COG3: variants seen among roughly 807,000 people sequenced by gnomAD.
COG3 encodes the protein conserved oligomeric Golgi complex subunit 3.
COG3 carries 32 observed loss-of-function variants against 114.1 expected under a neutral mutation model. The ratio of observed to expected loss-of-function variants is 0.28; its 90% confidence interval spans 0.21 to 0.38. The LOEUF (loss-of-function observed/expected upper bound fraction) is 0.38. Among genes scored for constraint, COG3 ranks in the 10% least tolerant of loss-of-function variants. The probability of loss-of-function intolerance (pLI) is 1.00; values close to 1 mark genes in which losing one functional copy is unlikely to be tolerated. For missense variants in COG3, 813 were observed against 973.2 expected (o/e 0.84, Z 2.19); for synonymous variants, 352 against 365.7 (o/e 0.96, Z 0.43).
intron 5 of COG3, among the ~76,000 whole-genome samples, chr13:45,481,544 C>T (rs541435901): frequency 3.3e-5 from 5 of 152,078 alleles, no homozygotes; most frequent in African/African-American, 1.2e-4. Context: ...TTATTGGCTA[C>T]CTCTTATAGT....
chr13:45,480,257 A>C lies in COG3; in HGVS notation c.516A>C (p.Leu172=). The change falls in exon 4 of 23, where the codon CTA becomes CTC. Residue 172 remains leucine (L), a synonymous_variant. Transcript: ENST00000349995. Reference sequence around the variant, plus strand: ...TTGTGTCCAATAAGACAGGAACCCTACATGAAGCCTGTGAACAGCTCCTAA... The same window carrying C: ...TTGTGTCCAATAAGACAGGAACCCTCCATGAAGCCTGTGAACAGCTCCTAA... The part of the protein sequence containing the change: ...YLFVSNKTGT[L]HEACEQLLKE... 6.2e-7 allele frequency: 1 copy of C among 1,613,540 alleles called. No homozygotes were observed. Among genetic ancestry groups the C allele is most frequent in the South Asian group, 1.1e-5 (1 of 91,010 alleles).
chr13:45,468,260 G>A (rs1192771137), intron 1 of COG3, among the ~76,000 whole-genome samples: 1 of 152,166 alleles, frequency 6.6e-6, no homozygotes. Context: ...ATAAAATGGG[G>A]ACTTAACTCA....
intron 13 of COG3, among the ~76,000 whole-genome samples, chr13:45,501,254 T>G (rs1249586863): frequency 2.0e-5 from 3 of 152,222 alleles, no homozygotes; most frequent in Non-Finnish European, 4.4e-5. Context: ...TGTAAATACT[T>G]GGAACTTCTC....
At position 45,476,206 on chromosome 13, in the gene COG3, A is replaced by G. The variant is rs544051013; in HGVS notation, c.180A>G (p.Pro60=). 42 of 1,613,572 alleles carry G rather than the reference A, an allele frequency of 2.6e-5. No individual in the cohort carries two copies. The African/African-American group carries it at 3.3e-4, about 13-fold the overall frequency. Reference sequence around the variant, plus strand: ...TGTGACTCTCTTTTTTCAAGCTTCCAATTGAAGACTTGTGCAGTTTAACAT... The same window carrying G: ...TGTGACTCTCTTTTTTCAAGCTTCCGATTGAAGACTTGTGCAGTTTAACAT... ...AENLPVPAEL[P]IEDLCSLTSQ... The change falls in exon 2 of 23, where the codon CCA becomes CCG. Residue 60 remains proline, a synonymous_variant. Coordinates refer to ENST00000349995, the MANE Select transcript of COG3 (RefSeq NM_031431.4).
chr13:45,501,690 T>C (rs1355402556), intron 13 of COG3, among the ~76,000 whole-genome samples: 2 of 152,220 alleles, frequency 1.3e-5, no homozygotes, highest in Non-Finnish European at 2.9e-5. Flanking sequence ...GGGGTATTGT[T>C]GCTTTTAAGC....
chr13:45,469,112 G>A lies in COG3; in HGVS notation c.174+3902G>A, dbSNP rs368070940. ...AGAAGATGGTTTTGTATTAGAACAAGGAAACAGGGAGCCTCCTTTTGCCTC... is the reference window on the plus strand; with the variant it reads ...AGAAGATGGTTTTGTATTAGAACAAAGAAACAGGGAGCCTCCTTTTGCCTC... On this transcript the variant is annotated intron_variant, in intron 1 of 22. Coordinates refer to ENST00000349995, the MANE Select transcript of COG3 (RefSeq NM_031431.4). Among the ~76,000 whole-genome samples, 7 of 152,288 alleles carry A rather than the reference G, an allele frequency of 4.6e-5. No individual in the cohort carries two copies. The East Asian group carries it at 9.6e-4, about 21-fold the overall frequency.
intron 5 of COG3, among the ~76,000 whole-genome samples, 156 bp from the exon 6 acceptor site, chr13:45,482,225 T>C (rs1202428306): frequency 6.6e-6 from 1 of 152,188 alleles, no homozygotes; most frequent in Non-Finnish European, 1.5e-5. Context: ...TTATTGTACA[T>C]GTGGGCTACA....
At chr13:45,520,285 CA>C (rs35891697) in intron 19 of COG3, among the ~76,000 whole-genome samples, 21,299 of 143,280 alleles carry the variant, frequency 0.15, 2,446 homozygotes, top group African/African-American at 0.33. Context: ...GAGACTGTCT[CA>C]AAAAAAAAAT....
intron 5 of COG3, among the ~76,000 whole-genome samples, chr13:45,481,569 C>T (rs973297496): frequency 2.0e-5 from 3 of 152,064 alleles, no homozygotes; most frequent in African/African-American, 4.8e-5. Context: ...TATTTGTAAG[C>T]TTTGAAGAAG....
Position 45,525,257 on chromosome 13 carries a change from A to AT in COG3, c.2230+219dup, listed in dbSNP as rs947781659. Among the ~76,000 whole-genome samples the AT allele has an allele frequency of 1.1e-3, 163 of 147,670 alleles. 1 individual carries two copies. The South Asian group carries it at 0.023, about 21-fold the overall frequency. On this transcript the variant is annotated intron_variant, in intron 20 of 22. Transcript: ENST00000349995. ...CAGCAAGCATTCCAAGGAAGGAAGA[A>AT]TTTTTTTTTTTTTAAATCACCCAGT...
chr13:45,468,280 C>G (rs374223876), intron 1 of COG3, among the ~76,000 whole-genome samples: 60 of 152,248 alleles, frequency 3.9e-4, no homozygotes, highest in African/African-American at 1.4e-3. Flanking sequence ...ATGATGAGTA[C>G]TTATCTCATA....
chr13:45,487,487 A>G (rs1886741128), intron 8 of COG3, among the ~76,000 whole-genome samples: 1 of 152,240 alleles, frequency 6.6e-6, no homozygotes. Context: ...ATTTACAACT[A>G]TTCATCTGAC....
At chr13:45,469,570 G>A (rs1192850071) in intron 1 of COG3, among the ~76,000 whole-genome samples, 2 of 152,184 alleles carry the variant, frequency 1.3e-5, no homozygotes, top group African/African-American at 2.4e-5. Flanking sequence ...TAGTACAGGT[G>A]ACAGAATTTG....
At chr13:45,481,326 T>G (rs372951505) in intron 5 of COG3, 22 bp downstream of exon 5, 2 of 1,277,508 alleles carry the variant, frequency 1.6e-6, no homozygotes, top group East Asian at 4.7e-5. Context: ...TCTTTACTTC[T>G]TATAAAGTTA....
At chr13:45,489,989 A>C (rs1327039430) in intron 8 of COG3, among the ~76,000 whole-genome samples, 1 of 152,172 alleles carries the variant, frequency 6.6e-6, no homozygotes, top group Non-Finnish European at 1.5e-5. Flanking sequence ...GAAGGACTGG[A>C]GTTTTCTACA....
In COG3 at chr13:45,490,896, AT is replaced by A; in HGVS notation, c.925-13del. 3.9e-6 allele frequency: 6 copies of A among 1,532,880 alleles called. No individual in the cohort carries two copies. Among genetic ancestry groups the A allele is most frequent in the Non-Finnish European group, 5.4e-6 (6 of 1,120,154 alleles). 95.0% of individuals were successfully genotyped at this position (1,532,880 alleles called of 1,614,324 possible). The stretch of plus-strand genomic sequence containing the variant: ...TATAACAGAGATGGTTTTTTGATGC[AT>A]TTTTTCTTACTTTGCAGACTCTTAT... On this transcript the variant is annotated intron_variant, in intron 8 of 22. Coordinates refer to ENST00000349995, the MANE Select transcript of COG3 (RefSeq NM_031431.4).
chr13:45,528,364 G>T (rs369372563), intron 20 of COG3, among the ~76,000 whole-genome samples: 60 of 152,152 alleles, frequency 3.9e-4, no homozygotes, highest in African/African-American at 1.4e-3. Context: ...GGACTCGCCT[G>T]TATTCTTTCT....
intron 16 of COG3, 103 bp from the exon 17 acceptor site, chr13:45,516,040 C>T: frequency 1.3e-6 from 1 of 778,462 alleles, no homozygotes; most frequent in Non-Finnish European, 1.8e-6. Flanking sequence ...ACACCATAGG[C>T]TGTAAACCTA....
chr13:45,472,148 A>G (rs537210280), intron 1 of COG3, among the ~76,000 whole-genome samples: 40 of 152,152 alleles, frequency 2.6e-4, no homozygotes, highest in African/African-American at 8.9e-4. Flanking sequence ...ATGTCGCTCT[A>G]TTGTCTTCTG....
Sources: gnomAD v4.1 joint callset for allele counts (sites outside exome capture counted in the v4.1 genomes callset) on GRCh38, gnomAD v4.1.1 for gene constraint, MANE v1.5 for transcripts, NCBI Gene and HGNC (gene_info 2026-07-23, HGNC 2026-07-21) for gene names.